The following PHKB variants were observed in gnomAD, a reference collection of about 807,000 sequenced individuals.
The protein encoded by PHKB is phosphorylase kinase regulatory subunit beta.
In PHKB, 122 loss-of-function variants were observed where a neutral mutation model predicts 152.1. The ratio of observed to expected loss-of-function variants is 0.80; its 90% confidence interval spans 0.69 to 0.93. The LOEUF (loss-of-function observed/expected upper bound fraction) is 0.93, where lower values mean the gene tolerates loss of function less well. PHKB is among the 40% of genes least tolerant of loss of function. The probability of loss-of-function intolerance (pLI) is 0.00; values close to 1 mark genes in which losing one functional copy is unlikely to be tolerated. For synonymous variants in PHKB, 436 were observed against 464.9 expected (o/e 0.94, Z 0.80); for missense variants, 1,304 against 1,328.4 (o/e 0.98, Z 0.29).
chr16:47,677,436 T>C (rs1973752933), intron 26 of PHKB, among the ~76,000 whole-genome samples: 2 of 152,348 alleles, frequency 1.3e-5, no homozygotes, highest in South Asian at 4.1e-4. Context: ...CAGAAATTTA[T>C]TTTCTCACAA....
At chr16:47,687,349 A>G (rs575827621) in intron 26 of PHKB, among the ~76,000 whole-genome samples, 2 of 152,352 alleles carry the variant, frequency 1.3e-5, no homozygotes, top group East Asian at 3.9e-4. Context: ...AAAGCATCCA[A>G]AAGAACTATG....
At chr16:47,561,725 C>A (rs754736394) in intron 7 of PHKB, 2 of 152,166 alleles carry the variant, frequency 1.3e-5, no homozygotes, top group African/African-American at 2.4e-5. Context: ...CCTCTTCATT[C>A]CCTTGATGAA....
chr16:47,612,406 G>A (rs1972444763), intron 14 of PHKB, among the ~76,000 whole-genome samples: 2 of 152,140 alleles, frequency 1.3e-5, no homozygotes, highest in South Asian at 2.1e-4. Flanking sequence ...GTTGTTTCAT[G>A]CTTGACACAT....
At chr16:47,685,745 CTTT>C (rs543342166) in intron 26 of PHKB, among the ~76,000 whole-genome samples, 4 of 139,592 alleles carry the variant, frequency 2.9e-5, no homozygotes, top group African/African-American at 5.2e-5. Flanking sequence ...TTTTCTTTTT[CTTT>C]TTTTTTTTTT....
At position 47,507,440 on chromosome 16, in the gene PHKB, T is replaced by C. The variant is rs531461700; in HGVS notation, c.406-4225T>C. Among the ~76,000 whole-genome samples, 11 of 152,362 alleles carry C rather than the reference T, an allele frequency of 7.2e-5. No homozygotes were observed. In the South Asian group the frequency reaches 2.1e-3, roughly 29 times the overall value. On this transcript the variant is annotated intron_variant, in intron 4 of 30. Transcript: ENST00000323584. ...TGTTTTGACTTTATAATGGCATTTC[T>C]TACTCAACCTTATTAACCAGTCATC...
chr16:47,618,270 A>G (rs1972555546), intron 14 of PHKB, among the ~76,000 whole-genome samples: 1 of 151,290 alleles, frequency 6.6e-6, no homozygotes, highest in Non-Finnish European at 1.5e-5. Context: ...TCTTTTTTTC[A>G]TTGCTCTGGC....
chr16:47,641,134 A>G (rs1040058851), intron 15 of PHKB, 44 bp downstream of exon 15: 2 of 1,215,760 alleles, frequency 1.6e-6, no homozygotes, highest in Admixed American at 1.7e-5. Flanking sequence ...TGGGGAGGGG[A>G]GGGGAGGGGA....
intron 26 of PHKB, among the ~76,000 whole-genome samples, chr16:47,674,338 A>G (rs1263873775): frequency 2.6e-5 from 4 of 152,188 alleles, no homozygotes; most frequent in Non-Finnish European, 5.9e-5. Context: ...CTTGTATACT[A>G]CAGTAGATAT....
intron 22 of PHKB, 144 bp downstream of exon 22, chr16:47,660,963 C>A: frequency 1.2e-6 from 1 of 809,240 alleles, no homozygotes; most frequent in Non-Finnish European, 2.1e-6. Flanking sequence ...CCAGGGCAAT[C>A]ATGAGAAGTT....
intron 6 of PHKB, among the ~76,000 whole-genome samples, chr16:47,525,875 A>T (rs1318223484): frequency 6.6e-6 from 1 of 152,176 alleles, no homozygotes; most frequent in Non-Finnish European, 1.5e-5. Context: ...TAAAAGCATA[A>T]TGAGGAAGGG....
intron 3 of PHKB, among the ~76,000 whole-genome samples, chr16:47,500,164 A>G (rs1304959547): frequency 6.6e-6 from 1 of 151,580 alleles, no homozygotes; most frequent in Non-Finnish European, 1.5e-5. Flanking sequence ...CAGCCTCCCT[A>G]CTAGCTGGGA....
At chr16:47,670,315 G>A (rs544595634) in intron 26 of PHKB, among the ~76,000 whole-genome samples, 4 of 152,134 alleles carry the variant, frequency 2.6e-5, no homozygotes, top group Admixed American at 2.0e-4. Flanking sequence ...AAACATACAT[G>A]TATGTGTATG....
At chr16:47,487,201 A>G (rs991032546) in intron 1 of PHKB, among the ~76,000 whole-genome samples, 32 of 152,212 alleles carry the variant, frequency 2.1e-4, no homozygotes, top group Non-Finnish European at 8.8e-5. Flanking sequence ...AGTATCCAGT[A>G]GGGAGTGCTA....
intron 20 of PHKB, among the ~76,000 whole-genome samples, chr16:47,654,151 A>C (rs1418182402): frequency 2.0e-5 from 3 of 152,220 alleles, no homozygotes; most frequent in African/African-American, 7.2e-5. Flanking sequence ...AGCCACCTAC[A>C]TTGGTTCAGA....
At chr16:47,483,183 C>T (rs1969994795) in intron 1 of PHKB, among the ~76,000 whole-genome samples, 2 of 150,784 alleles carry the variant, frequency 1.3e-5, no homozygotes, top group South Asian at 4.3e-4. Flanking sequence ...GGATTACAGG[C>T]GCCCACCACC....
chr16:47,571,741 G>C (rs1207164806), intron 7 of PHKB, among the ~76,000 whole-genome samples: 1 of 152,210 alleles, frequency 6.6e-6, no homozygotes. Context: ...CCCTTCACAA[G>C]TACCGGGGCT....
intron 8 of PHKB, among the ~76,000 whole-genome samples, chr16:47,586,932 G>A (rs1971944414): frequency 6.6e-6 from 1 of 151,778 alleles, no homozygotes; most frequent in Non-Finnish European, 1.5e-5. Flanking sequence ...ATATATGTGT[G>A]TGTGCATATA....
At chr16:47,544,772 CTG>C (rs776915099) in intron 6 of PHKB, among the ~76,000 whole-genome samples, 3 of 152,152 alleles carry the variant, frequency 2.0e-5, no homozygotes, top group Non-Finnish European at 2.9e-5. Flanking sequence ...CTAGGTGCTC[CTG>C]TATTGGGTGC....
chr16:47,640,667 G>T (rs1271403237), intron 14 of PHKB, among the ~76,000 whole-genome samples: 1 of 151,862 alleles, frequency 6.6e-6, no homozygotes, highest in Non-Finnish European at 1.5e-5. Flanking sequence ...TTTTTACAGA[G>T]AACACATAAA....
Sources: allele counts gnomAD v4.1 joint callset (sites outside exome capture counted in the v4.1 genomes callset), GRCh38; gene constraint gnomAD v4.1.1; transcripts MANE v1.5; gene names NCBI Gene and HGNC (gene_info 2026-07-23, HGNC 2026-07-21).